The following CCDC3 variants were observed in gnomAD, a reference collection of about 807,000 sequenced individuals.
The protein encoded by CCDC3 is coiled-coil domain containing 3.
CCDC3 carries 24 observed loss-of-function variants against 21.4 expected under a neutral mutation model. That is an observed-to-expected ratio of 1.12 (90% CI 0.81 to 1.58). The LOEUF (loss-of-function observed/expected upper bound fraction) is 1.58. Among genes scored for constraint, CCDC3 ranks in the 40% most tolerant of loss-of-function variants. The pLI is 0.00. For synonymous variants in CCDC3, 186 were observed against 166.0 expected, an observed-to-expected ratio of 1.12 and a Z score of -0.93; for missense variants, 425 against 360.9, an observed-to-expected ratio of 1.18 and a Z score of -1.44.
chr10:12,922,825 A>C (rs1834472660), intron 2 of CCDC3, among the ~76,000 whole-genome samples: 1 of 152,210 alleles, frequency 6.6e-6, no homozygotes, highest in African/African-American at 2.4e-5. Context: ...TGCATCTGAT[A>C]GTATGGGATG....
intron 1 of CCDC3, among the ~76,000 whole-genome samples, chr10:13,000,707 G>A (rs757739034): frequency 6.6e-6 from 1 of 152,168 alleles, no homozygotes; most frequent in Admixed American, 6.5e-5. Flanking sequence ...CATGAGTTAC[G>A]TTCCTCACTC....
upstream of CCDC3, among the ~76,000 whole-genome samples, chr10:13,003,915 A>G (rs1172459174): frequency 6.6e-6 from 1 of 152,222 alleles, no homozygotes; most frequent in Non-Finnish European, 1.5e-5. Flanking sequence ...CAGACACATC[A>G]GTCATGCTTT....
At chr10:12,913,651 C>A (rs1454151546) in intron 2 of CCDC3, among the ~76,000 whole-genome samples, 2 of 152,236 alleles carry the variant, frequency 1.3e-5, no homozygotes, top group African/African-American at 4.8e-5. Context: ...ACATCTTTGT[C>A]TTATTCCTGA....
chr10:12,911,784 T>G (rs990933217), intron 2 of CCDC3, among the ~76,000 whole-genome samples: 1 of 152,228 alleles, frequency 6.6e-6, no homozygotes, highest in Admixed American at 6.5e-5. Flanking sequence ...ACTGAAATAT[T>G]GTACCCTTTG....
At chr10:12,936,047 T>G (rs185021932) in intron 2 of CCDC3, among the ~76,000 whole-genome samples, 5 of 152,340 alleles carry the variant, frequency 3.3e-5, no homozygotes, top group African/African-American at 9.6e-5. Flanking sequence ...GTATCTTGAC[T>G]TACTCATTCT....
intron 2 of CCDC3, among the ~76,000 whole-genome samples, chr10:13,098,886 T>G (rs1588425477): frequency 1.3e-5 from 2 of 151,742 alleles, no homozygotes; most frequent in Admixed American, 1.3e-4. Context: ...CCGGCTAATT[T>G]TTGTATTTTT....
chr10:13,085,510 C>T (rs1837091310), intron 3 of CCDC3, among the ~76,000 whole-genome samples: 1 of 152,308 alleles, frequency 6.6e-6, no homozygotes, highest in Non-Finnish European at 1.5e-5. Flanking sequence ...AATCCGTGAC[C>T]CCATCCCCAC....
intron 5 of CCDC3, among the ~76,000 whole-genome samples, chr10:13,014,983 AAC>A (rs907642224): frequency 1.3e-4 from 11 of 83,696 alleles, no homozygotes; most frequent in East Asian, 8.6e-4. Context: ...ATTGCCAACA[AAC>A]AGGGAGTGAT....
intron 2 of CCDC3, among the ~76,000 whole-genome samples, chr10:12,986,556 C>T (rs1835594342): frequency 6.6e-6 from 1 of 152,170 alleles, no homozygotes; most frequent in Non-Finnish European, 1.5e-5. Context: ...GGGCGGATCA[C>T]AAGGTCAGGA....
At chr10:12,944,522 T>C (rs765599948) in intron 2 of CCDC3, among the ~76,000 whole-genome samples, 23 of 152,226 alleles carry the variant, frequency 1.5e-4, no homozygotes, top group Non-Finnish European at 3.1e-4. Context: ...TATTGATTTA[T>C]GTCTTTGCCT....
At chr10:13,089,087 C>T (rs1298043698) in intron 3 of CCDC3, among the ~76,000 whole-genome samples, 1 of 151,872 alleles carries the variant, frequency 6.6e-6, no homozygotes, top group Non-Finnish European at 1.5e-5. Flanking sequence ...CGACAAATTC[C>T]CTCCTCAAAT....
intron 5 of CCDC3, among the ~76,000 whole-genome samples, chr10:13,044,989 C>T (rs990099955): frequency 1.3e-5 from 2 of 152,134 alleles, no homozygotes; most frequent in African/African-American, 4.8e-5. Context: ...TGACTTCTAA[C>T]AATGTTTCCC....
intron 2 of CCDC3, among the ~76,000 whole-genome samples, chr10:12,922,620 C>G (rs1834469583): frequency 6.6e-6 from 1 of 152,140 alleles, no homozygotes; most frequent in Non-Finnish European, 1.5e-5. Flanking sequence ...TCACTTCCTT[C>G]CTTCCCAGCC....
At chr10:13,006,051 A>G (rs1700992891), upstream of CCDC3, among the ~76,000 whole-genome samples, 2 of 152,014 alleles carry the variant, frequency 1.3e-5, no homozygotes, top group African/African-American at 4.8e-5. Context: ...ATATCTTACC[A>G]AGGCCTCTAA....
intron 3 of CCDC3, among the ~76,000 whole-genome samples, chr10:13,092,464 T>C (rs1832582499): frequency 6.6e-6 from 1 of 152,276 alleles, no homozygotes; most frequent in Non-Finnish European, 1.5e-5. Flanking sequence ...ACCTTTGCCA[T>C]AATAGTCCAT....
chr10:13,067,833 G>A (rs1297298294), intron 4 of CCDC3, among the ~76,000 whole-genome samples: 1 of 152,222 alleles, frequency 6.6e-6, no homozygotes, highest in Non-Finnish European at 1.5e-5. Context: ...GGGTAATAAG[G>A]CAGTTAAAAG....
intron 2 of CCDC3, among the ~76,000 whole-genome samples, chr10:12,958,932 G>C (rs1041949290): frequency 6.6e-6 from 1 of 152,176 alleles, no homozygotes; most frequent in Non-Finnish European, 1.5e-5. Flanking sequence ...GTTCTAATTG[G>C]CCAGTCCTAG....
At chr10:12,947,727 A>T (rs1214236452) in intron 2 of CCDC3, among the ~76,000 whole-genome samples, 5 of 152,264 alleles carry the variant, frequency 3.3e-5, no homozygotes, top group Non-Finnish European at 7.3e-5. Flanking sequence ...TGGGCTTAGC[A>T]GTAACTAATA....
chr10:12,975,108 T>C (rs537249129), intron 2 of CCDC3, among the ~76,000 whole-genome samples: 1 of 152,268 alleles, frequency 6.6e-6, no homozygotes, highest in East Asian at 1.9e-4. Flanking sequence ...AGTCACTAGG[T>C]AGGGTTTTCT....
Sources: gnomAD v4.1 joint callset for allele counts (sites outside exome capture counted in the v4.1 genomes callset) on GRCh38, gnomAD v4.1.1 for gene constraint, MANE v1.5 for transcripts, NCBI Gene and HGNC (gene_info 2026-07-23, HGNC 2026-07-21) for gene names.